The following DOCK4 variants were observed in gnomAD, a reference collection of about 807,000 sequenced individuals.
DOCK4 encodes dedicator of cytokinesis 4, also known as dedicator of cytokinesis protein 4.
In DOCK4, 97 loss-of-function variants were observed where a neutral mutation model predicts 268.1. The observed-to-expected ratio is 0.36, with a 90% CI of 0.31 to 0.43. The LOEUF (loss-of-function observed/expected upper bound fraction) is 0.43. DOCK4 is among the 20% of genes least tolerant of loss of function. The pLI, the probability that DOCK4 is intolerant of heterozygous loss-of-function variation, is 1.00. For synonymous variants in DOCK4, 954 were observed against 887.2 expected (o/e 1.08, Z -1.34); for missense variants, 2,145 against 2,455.7 (o/e 0.87, Z 2.67).
At chr7:112,004,225 A>T in intron 1 of DOCK4, 94 bp from the exon 2 acceptor site, 1 of 948,688 alleles carries the variant, frequency 1.1e-6, no homozygotes, top group Non-Finnish European at 1.6e-6. Flanking sequence ...TATAAATAGG[A>T]AGTATAATTT....
intron 7 of DOCK4, among the ~76,000 whole-genome samples, chr7:111,981,908 C>T (rs187745255): frequency 2.8e-4 from 42 of 152,268 alleles, no homozygotes; most frequent in African/African-American, 9.1e-4. Flanking sequence ...AATTTGCCAT[C>T]CCATATATAA....
At chr7:112,036,907 C>T (rs1021407240) in intron 1 of DOCK4, among the ~76,000 whole-genome samples, 6 of 152,108 alleles carry the variant, frequency 3.9e-5, no homozygotes, top group Admixed American at 2.6e-4. Flanking sequence ...GTGATCCACC[C>T]GCCTTTGCCT....
chr7:111,883,207 T>C (rs1252534571), intron 16 of DOCK4, among the ~76,000 whole-genome samples: 1 of 152,168 alleles, frequency 6.6e-6, no homozygotes, highest in Non-Finnish European at 1.5e-5. Context: ...CAAAGTAATG[T>C]TCTGGAACCC....
intron 1 of DOCK4, among the ~76,000 whole-genome samples, chr7:112,109,240 A>G (rs1294726504): frequency 6.6e-6 from 1 of 152,030 alleles, no homozygotes; most frequent in Non-Finnish European, 1.5e-5. Context: ...TCTTCCCATT[A>G]TTTCCCCACG....
At chr7:111,932,304 G>A (rs1794264091) in intron 12 of DOCK4, among the ~76,000 whole-genome samples, 1 of 152,182 alleles carries the variant, frequency 6.6e-6, no homozygotes, top group Non-Finnish European at 1.5e-5. Flanking sequence ...AGGAAGGTCA[G>A]GGACTACATG....
chr7:112,142,636 C>A (rs1815040263), intron 1 of DOCK4, among the ~76,000 whole-genome samples: 1 of 152,136 alleles, frequency 6.6e-6, no homozygotes, highest in African/African-American at 2.4e-5. Context: ...GTGCCTACCA[C>A]TCATTTTTTA....
chr7:111,782,615 C>T (rs751454829), intron 35 of DOCK4, among the ~76,000 whole-genome samples: 7 of 152,122 alleles, frequency 4.6e-5, no homozygotes, highest in Non-Finnish European at 8.8e-5. Flanking sequence ...TCTGGGATCC[C>T]ACACGGGTCT....
intron 8 of DOCK4, among the ~76,000 whole-genome samples, chr7:111,961,028 C>G (rs567683382): frequency 1.3e-5 from 2 of 152,222 alleles, no homozygotes; most frequent in South Asian, 2.1e-4. Context: ...GGTTTCATTT[C>G]TTTAGATGCA....
At chr7:111,980,183 G>A (rs1025571904) in intron 7 of DOCK4, among the ~76,000 whole-genome samples, 1 of 152,032 alleles carries the variant, frequency 6.6e-6, no homozygotes, top group Non-Finnish European at 1.5e-5. Flanking sequence ...CATTTAACAT[G>A]GGCCTTCACA....
At chr7:112,185,463 T>C (rs1022133673) in intron 1 of DOCK4, among the ~76,000 whole-genome samples, 6 of 152,038 alleles carry the variant, frequency 3.9e-5, no homozygotes, top group Admixed American at 6.6e-5. Flanking sequence ...ACAGGACAAG[T>C]AAGAAAGCAT....
chr7:111,768,487 G>A (rs1184216620), intron 37 of DOCK4, among the ~76,000 whole-genome samples: 1 of 152,144 alleles, frequency 6.6e-6, no homozygotes, highest in East Asian at 1.9e-4. Flanking sequence ...TTAATTTTCT[G>A]TTTAACCTTT....
intron 1 of DOCK4, among the ~76,000 whole-genome samples, chr7:112,181,136 C>G (rs542329694): frequency 3.3e-5 from 5 of 151,880 alleles, no homozygotes; most frequent in Non-Finnish European, 7.4e-5. Context: ...CCAATGTTGG[C>G]AAGAAAGAGT....
At chr7:111,800,981 C>A (rs1800235447) in intron 30 of DOCK4, among the ~76,000 whole-genome samples, 1 of 152,170 alleles carries the variant, frequency 6.6e-6, no homozygotes. Flanking sequence ...AAAGCAACCG[C>A]CCGAAACATT....
Position 111,868,077 on chromosome 7 carries a change from C to T in DOCK4, c.2187G>A (p.Glu729=), listed in dbSNP as rs771534581. Residue 729 remains glutamate (E), a synonymous_variant, in exon 22 of 53, where the codon GAG becomes GAA. Transcript: ENST00000428084. The part of the protein sequence containing the change: ...FSLATGGQNE[E]EFRCCIQELL... ...GCTCCTGAATGCAGCAGCGGAACTC[C>T]TCTTCGTTTTGCCCACCAGTGGCAA... The T allele has an allele frequency of 9.9e-6, 16 of 1,613,632 alleles. No individual in the cohort carries two copies. The highest frequency in any genetic ancestry group is 1.4e-5 in the Non-Finnish European group (16 of 1,179,718).
chr7:112,007,380 G>A (rs1185746664), intron 1 of DOCK4, among the ~76,000 whole-genome samples: 4 of 152,126 alleles, frequency 2.6e-5, no homozygotes, highest in Non-Finnish European at 4.4e-5. Context: ...AGGTTTTAAT[G>A]GATTCGGACA....
chr7:111,907,647 A>C (rs1391312134), intron 13 of DOCK4, among the ~76,000 whole-genome samples: 1 of 152,182 alleles, frequency 6.6e-6, no homozygotes. Flanking sequence ...TTCAGGTCTA[A>C]GCTAAGCGGT....
chr7:112,082,006 A>G (rs1413330685), intron 1 of DOCK4, among the ~76,000 whole-genome samples: 1 of 151,940 alleles, frequency 6.6e-6, no homozygotes, highest in Non-Finnish European at 1.5e-5. Flanking sequence ...GCCTCAGAAT[A>G]CTCATGTGAC....
intron 1 of DOCK4, among the ~76,000 whole-genome samples, chr7:112,042,696 T>C (rs1206051853): frequency 2.0e-5 from 3 of 152,246 alleles, no homozygotes; most frequent in Non-Finnish European, 4.4e-5. Flanking sequence ...CTTGATTTAC[T>C]TCAAGGTTGA....
intron 23 of DOCK4, among the ~76,000 whole-genome samples, chr7:111,853,668 A>G (rs1356401733): frequency 1.3e-5 from 2 of 152,150 alleles, no homozygotes; most frequent in Non-Finnish European, 2.9e-5. Flanking sequence ...CCCTGTATTA[A>G]GCTCCCAGAT....
Sources: allele counts gnomAD v4.1 joint callset (sites outside exome capture counted in the v4.1 genomes callset), GRCh38; gene constraint gnomAD v4.1.1; transcripts MANE v1.5; gene names NCBI Gene and HGNC (gene_info 2026-07-23, HGNC 2026-07-21).